Variants in PRPF19 observed in about 807,000 individuals in gnomAD.
PRPF19 encodes the protein pre-mRNA processing factor 19, also known as pre-mRNA-processing factor 19.
A neutral mutation model predicts 64.2 loss-of-function variants in PRPF19; 2 were observed. The ratio of observed to expected loss-of-function variants is 0.03; its 90% CI spans 0.01 to 0.10. The LOEUF is 0.10. Ranked by LOEUF, PRPF19 falls within the 10% of genes least tolerant of loss-of-function variation. The probability of loss-of-function intolerance (pLI) is 1.00; values close to 1 mark genes in which losing one functional copy is unlikely to be tolerated. For missense variants in PRPF19, 314 were observed against 650.0 expected (o/e 0.48, Z 5.62); for synonymous variants, 226 against 251.6 (o/e 0.90, Z 0.96).
At position 60,898,006 on chromosome 11, in the gene PRPF19, A is replaced by T. The variant is rs1670665406; in HGVS notation, c.1312-55T>A. 47 of 1,607,232 alleles carry T rather than the reference A, an allele frequency of 2.9e-5. No individual in the cohort carries two copies. Among genetic ancestry groups the T allele is most frequent in the Non-Finnish European group, 3.9e-5 (46 of 1,174,966 alleles). Reference sequence around the variant, plus strand: ...ACAAGGGGAACAGAAACTATGGGGCAGTTGCGGATAAGCAGAAGCAATTAG... The same window carrying T: ...ACAAGGGGAACAGAAACTATGGGGCTGTTGCGGATAAGCAGAAGCAATTAG... On this transcript the variant is annotated intron_variant, in intron 14 of 15. Coordinates refer to ENST00000227524, the MANE Select transcript of PRPF19 (RefSeq NM_014502.5). This position sits in a 1 kb window ranked among gnomAD's most constrained non-coding sequence, Gnocchi z 4.6.
At chr11:60,900,819 C>T (rs200956536) in intron 9 of PRPF19, 35 bp downstream of exon 9, 30 of 1,612,862 alleles carry the variant, frequency 1.9e-5, no homozygotes, top group South Asian at 1.3e-4. Flanking sequence ...TGCCCCTCCC[C>T]ACTTTGGCCT....
intron 15 of PRPF19, among the ~76,000 whole-genome samples, chr11:60,895,942 G>A (rs768653196): frequency 1.3e-4 from 19 of 151,946 alleles, no homozygotes; most frequent in Admixed American, 5.9e-4. Context: ...GTGCCCCCCC[G>A]CCCAACAATT....
Position 60,906,507 on chromosome 11 carries a change from GCC to G in PRPF19, c.-127_-126del. The G allele has an allele frequency of 9.9e-7, 1 of 1,010,982 alleles. No individual in the cohort carries two copies. Among genetic ancestry groups the G allele is most frequent in the Non-Finnish European group, 1.4e-6 (1 of 693,178 alleles). 62.6% of individuals were successfully genotyped at this position (1,010,982 alleles called of 1,614,324 possible). On this transcript the variant is annotated 5_prime_UTR_variant, in exon 1 of 16. Transcript: ENST00000227524. Reference sequence around the variant, plus strand: ...CTCCGCGGCGAGCTGGGAGCCGCCAGCCGAGCGATGCTAGCGTAGCGCTTCAC... The same window carrying G: ...CTCCGCGGCGAGCTGGGAGCCGCCAGGAGCGATGCTAGCGTAGCGCTTCAC...
chr11:60,902,251 C>T lies in PRPF19; in HGVS notation c.525+152G>A. 1.2e-6 allele frequency: 1 copy of T among 845,678 alleles called. No homozygotes were observed. The highest frequency in any genetic ancestry group is 2.7e-5 in the East Asian group (1 of 37,706). 52.4% of individuals were successfully genotyped at this position (845,678 alleles called of 1,614,324 possible). ...TCATAAAGCTTACAAGTAGTGGCAT[C>T]AAAATACAAACCCAGGCAATCTGGT... On this transcript the variant is annotated intron_variant, in intron 6 of 15. Transcript: ENST00000227524. This position sits in a 1 kb window ranked among gnomAD's most constrained non-coding sequence, Gnocchi z 5.0.
Position 60,891,220 on chromosome 11 carries a change from G to T in PRPF19, c.1461C>A (p.Ala487=), listed in dbSNP as rs1433341255. 2 of 1,613,246 alleles carry T rather than the reference G, an allele frequency of 1.2e-6. No individual in the cohort carries two copies. Among genetic ancestry groups the T allele is most frequent in the Non-Finnish European group, 1.7e-6 (2 of 1,179,818 alleles). The change falls in exon 16 of 16, where the codon GCC becomes GCA. Residue 487 remains alanine, a synonymous_variant. Coordinates refer to ENST00000227524, the MANE Select transcript of PRPF19 (RefSeq NM_014502.5). ...CCATGCCTGTTGAAGCGATGAACTT[G>T]GCGTGATGCCCGAAGGCCACCCCTG... The part of the protein sequence containing the change: ...LTTGVAFGHH[A]KFIASTGMDR...
In PRPF19 at chr11:60,898,315, G is replaced by A. The variant is rs754263531; in HGVS notation, c.1141-44C>T. The A allele has an allele frequency of 1.5e-5, 24 of 1,597,034 alleles. No individual in the cohort carries two copies. Among genetic ancestry groups the A allele is most frequent in the African/African-American group, 5.4e-5 (4 of 74,154 alleles). On this transcript the variant is annotated intron_variant, in intron 13 of 15. Coordinates refer to ENST00000227524, the MANE Select transcript of PRPF19 (RefSeq NM_014502.5). The surrounding 1 kb of genome is among the most constrained non-coding windows in gnomAD (Gnocchi z 4.6). ...GTAAAATACGTCACCCACAGATCAT[G>A]AGAGGAAGAAAATGGGGCTCACCAA...
In PRPF19 at chr11:60,891,120, C is replaced by A; in HGVS notation, c.*46G>T. The A allele has an allele frequency of 1.4e-6, 1 of 717,164 alleles. No homozygotes were observed. The allele number at this position is 717,164 out of a possible 1,614,324, so 44.4% of individuals were successfully genotyped here. On this transcript the variant is annotated 3_prime_UTR_variant, in exon 16 of 16. Coordinates refer to ENST00000227524, the MANE Select transcript of PRPF19 (RefSeq NM_014502.5). Reference sequence around the variant, plus strand: ...CCCCCCCCCCCAAACCCTAATTCTACCCCTCTACTGAGATGAGGCCCAGCT... The same window carrying A: ...CCCCCCCCCCCAAACCCTAATTCTAACCCTCTACTGAGATGAGGCCCAGCT...
Position 60,902,736 on chromosome 11 carries a change from G to A in PRPF19, c.388+4C>T. 6.2e-7 allele frequency: 1 copy of A among 1,614,198 alleles called. No homozygotes were observed. The highest frequency in any genetic ancestry group is 8.5e-7 in the Non-Finnish European group (1 of 1,180,020). On this transcript the variant is annotated splice_donor_region_variant and intron_variant, in intron 4 of 15. Transcript: ENST00000227524. The surrounding 1 kb of genome is among the most constrained non-coding windows in gnomAD (Gnocchi z 5.0). ...GGTGGGGGATGGCAGGGGAGAGGCTGCACCTTCTCGGGCAGCAGTGACTTC... is the reference window on the plus strand; with the variant it reads ...GGTGGGGGATGGCAGGGGAGAGGCTACACCTTCTCGGGCAGCAGTGACTTC...
Position 60,892,295 on chromosome 11 carries a change from T to A in PRPF19, c.1418-1032A>T, listed in dbSNP as rs74591678. 2.4e-4 allele frequency among the ~76,000 whole-genome samples: 36 copies of A among 152,360 alleles called. 1 individual carries two copies. In the East Asian group the frequency reaches 6.9e-3, roughly 29 times the overall value. On this transcript the variant is annotated intron_variant, in intron 15 of 15. Coordinates refer to ENST00000227524, the MANE Select transcript of PRPF19 (RefSeq NM_014502.5). ...TGTGTACATGTGAAATTAATCTACA[T>A]CTGCCTTACTAACCTGACTATAAAT... is the stretch of plus-strand genomic sequence containing the variant.
intron 1 of PRPF19, among the ~76,000 whole-genome samples, chr11:60,905,199 A>G (rs1856031724): frequency 1.3e-5 from 2 of 152,212 alleles, no homozygotes; most frequent in African/African-American, 4.8e-5. Flanking sequence ...GCACCCCTTG[A>G]GGATAAGGAT....
In PRPF19 at chr11:60,898,754, G is replaced by A; in HGVS notation, c.1054+108C>T. 6.5e-7 allele frequency: 1 copy of A among 1,529,764 alleles called. No individual in the cohort carries two copies. Among genetic ancestry groups the A allele is most frequent in the Non-Finnish European group, 8.8e-7 (1 of 1,131,462 alleles). The allele number at this position is 1,529,764 out of a possible 1,614,324, so 94.8% of individuals were successfully genotyped here. On this transcript the variant is annotated intron_variant, in intron 12 of 15. Transcript: ENST00000227524. The surrounding 1 kb of genome is among the most constrained non-coding windows in gnomAD (Gnocchi z 4.6). ...AGCACAAAGCCCGCACTAGACAGGTGCTCATGGTAAATATATCTTTAGAAC... is the reference window on the plus strand; with the variant it reads ...AGCACAAAGCCCGCACTAGACAGGTACTCATGGTAAATATATCTTTAGAAC...
intron 1 of PRPF19, among the ~76,000 whole-genome samples, chr11:60,905,979 C>A (rs1485315094): frequency 1.3e-5 from 2 of 152,228 alleles, no homozygotes; most frequent in Non-Finnish European, 2.9e-5. Flanking sequence ...GATGGGGAAA[C>A]CGAGGCCCAG....
rs545947849 is a variant in PRPF19, at chr11:60,903,794, G to A, written c.87C>T (p.Leu29=). The A allele has an allele frequency of 4.4e-6, 7 of 1,606,464 alleles. No homozygotes were observed. The highest frequency in any genetic ancestry group is 4.5e-5 in the East Asian group (2 of 44,808). Residue 29 remains leucine (L), a synonymous_variant, in exon 2 of 16, where the codon CTC becomes CTT. Coordinates refer to ENST00000227524, the MANE Select transcript of PRPF19 (RefSeq NM_014502.5). Reference sequence around the variant, plus strand: ...CATTCTCCGCAATGTACTTCTCGATGAGCCGCCGCTCATAAACATGATTAG... The same window carrying A: ...CATTCTCCGCAATGTACTTCTCGATAAGCCGCCGCTCATAAACATGATTAG... ...PVSNHVYERR[L]IEKYIAENGT...
chr11:60,896,062 G>T (rs1384380579), intron 15 of PRPF19, among the ~76,000 whole-genome samples: 1 of 152,144 alleles, frequency 6.6e-6, no homozygotes, highest in African/African-American at 2.4e-5. Flanking sequence ...AACACATGTT[G>T]TTGGAAAAAT....
At chr11:60,906,116 T>C (rs537348366) in intron 1 of PRPF19, among the ~76,000 whole-genome samples, 20 of 152,220 alleles carry the variant, frequency 1.3e-4, no homozygotes, top group Non-Finnish European at 4.4e-5. Context: ...TTCCACTCTG[T>C]AGAATGAGGC....
At position 60,897,866 on chromosome 11, in the gene PRPF19, G is replaced by A. The variant is rs763315662; in HGVS notation, c.1397C>T (p.Thr466Met). ...TCTACCTGTAAAGTGAAGAATCTCC[G>A]TCCATTGTTTGCAGATGTAGATCTG... is the stretch of plus-strand genomic sequence containing the variant. Reference protein sequence around the residue: ...DVQIYICKQWTEILHFTEHSG... With the variant: ...DVQIYICKQWMEILHFTEHSG... Residue 466 changes from threonine (T) to methionine (M), a missense_variant, in exon 15 of 16, where the codon ACG (threonine) becomes ATG (methionine). This residue lies in a region of PRPF19 where 47 missense variants were observed against 94.5 expected (regional missense o/e 0.50). Coordinates refer to ENST00000227524, the MANE Select transcript of PRPF19 (RefSeq NM_014502.5). The A allele has an allele frequency of 1.3e-5, 21 of 1,614,012 alleles. No homozygotes were observed. Among genetic ancestry groups the A allele is most frequent in the Admixed American group, 5.0e-5 (3 of 60,006 alleles).
intron 15 of PRPF19, among the ~76,000 whole-genome samples, chr11:60,895,528 T>C (rs1201931368): frequency 6.6e-6 from 1 of 152,262 alleles, no homozygotes. Flanking sequence ...ACTTTCTCCA[T>C]ATCAGCAATA....
intron 10 of PRPF19, among the ~76,000 whole-genome samples, chr11:60,900,102 T>C (rs996874727): frequency 6.6e-6 from 1 of 152,148 alleles, no homozygotes; most frequent in Admixed American, 6.5e-5. Flanking sequence ...TCGAATCCCA[T>C]AATATCATTA....
intron 15 of PRPF19, 129 bp from the exon 16 acceptor site, chr11:60,891,392 G>GT (rs1202824742): frequency 1.4e-6 from 1 of 714,024 alleles, no homozygotes. Context: ...GCAGGCTCCT[G>GT]TTTGTTTTCC....
Sources: gnomAD v4.1 joint callset for allele counts (sites outside exome capture counted in the v4.1 genomes callset) on GRCh38, gnomAD v4.1.1 for gene constraint, gnomAD v4.1.1 regional missense constraint, Gnocchi (gnomAD v3.1) non-coding constraint, MANE v1.5 for transcripts, NCBI Gene and HGNC (gene_info 2026-07-23, HGNC 2026-07-21) for gene names.